ETFDH: variants seen among roughly 807,000 people sequenced by gnomAD.
ETFDH encodes the protein electron transfer flavoprotein-ubiquinone oxidoreductase, mitochondrial.
ETFDH carries 61 observed loss-of-function variants against 73.2 expected under a neutral mutation model. The ratio of observed to expected loss-of-function variants is 0.83; its 90% CI spans 0.68 to 1.03. ETFDH has a LOEUF of 1.03. ETFDH is among the 50% of genes least tolerant of loss of function. The pLI is 0.00. For synonymous variants in ETFDH, 243 were observed against 253.3 expected (o/e 0.96, Z 0.39); for missense variants, 685 against 745.0 (o/e 0.92, Z 0.94).
At position 158,708,619 on chromosome 4, in the gene ETFDH, TGAACA is replaced by T; in HGVS notation, c.*96_*100del. ...TTCAGAATGTCTTTCTGCATATTAC[TGAACA>T]GAATAGTCACAAAATGATTATCAAA... On this transcript the variant is annotated 3_prime_UTR_variant, in exon 13 of 13. Transcript: ENST00000511912. 1 of 1,030,170 alleles carries T rather than the reference TGAACA, an allele frequency of 9.7e-7. No individual in the cohort carries two copies. The highest frequency in any genetic ancestry group is 1.5e-6 in the Non-Finnish European group (1 of 659,270). 63.8% of individuals were successfully genotyped at this position (1,030,170 alleles called of 1,614,324 possible). A position where few individuals can be genotyped will look rare whatever the true frequency, so the allele number is the denominator to read the frequency against.
intron 9 of ETFDH, among the ~76,000 whole-genome samples, chr4:158,701,384 G>T (rs977088528): frequency 1.3e-5 from 2 of 152,158 alleles, no homozygotes; most frequent in African/African-American, 4.8e-5. Context: ...CCTCCCCATT[G>T]TCTGCTCTGT....
intron 12 of ETFDH, among the ~76,000 whole-genome samples, chr4:158,708,033 A>G (rs557874599): frequency 6.6e-6 from 1 of 152,340 alleles, no homozygotes; most frequent in East Asian, 1.9e-4. Flanking sequence ...TCAGGCGTCT[A>G]CTGGGGATCT....
chr4:158,688,036 T>C (rs1774051615), intron 5 of ETFDH, among the ~76,000 whole-genome samples: 1 of 149,580 alleles, frequency 6.7e-6, no homozygotes, highest in South Asian at 2.1e-4. Context: ...CGAGATTCCA[T>C]CTCAAAAAAT....
intron 12 of ETFDH, among the ~76,000 whole-genome samples, 196 bp from the exon 13 acceptor site, chr4:158,708,168 T>C (rs1774686242): frequency 6.6e-6 from 1 of 152,190 alleles, no homozygotes; most frequent in Non-Finnish European, 1.5e-5. Flanking sequence ...AATACCGCTG[T>C]ACCTCCTTTT....
Position 158,703,463 on chromosome 4 carries a change from GT to G in ETFDH, c.1159del (p.Cys387ValfsTer6). On this transcript the variant is annotated frameshift_variant, in exon 10 of 13. Coordinates refer to ENST00000511912, the MANE Select transcript of ETFDH (RefSeq NM_004453.4). LOFTEE classifies it high-confidence loss of function. ...ACCTTTCCTGGTGGTTTACTAATTG[GT>G]TGTAGTCCTGGTTTTATGAATGTTC... ...KLTFPGGLLI[G>X]CSPGFMNVPK... The G allele has an allele frequency of 6.2e-7, 1 of 1,612,166 alleles. No homozygotes were observed. Among genetic ancestry groups the G allele is most frequent in the Non-Finnish European group, 8.5e-7 (1 of 1,178,412 alleles).
intron 12 of ETFDH, among the ~76,000 whole-genome samples, chr4:158,707,947 C>T (rs962739129): frequency 3.3e-5 from 5 of 152,190 alleles, no homozygotes; most frequent in Non-Finnish European, 7.3e-5. Context: ...ATGGAAAAGG[C>T]ATCACATTTG....
At chr4:158,702,265 C>T (rs1774484468) in intron 9 of ETFDH, among the ~76,000 whole-genome samples, 1 of 151,622 alleles carries the variant, frequency 6.6e-6, no homozygotes, top group South Asian at 2.1e-4. Flanking sequence ...ATGATCAAAT[C>T]AGGGTAATTA....
intron 1 of ETFDH, among the ~76,000 whole-genome samples, chr4:158,673,878 G>A (rs1773646197): frequency 6.6e-6 from 1 of 152,200 alleles, no homozygotes; most frequent in African/African-American, 2.4e-5. Context: ...CTTTGATATG[G>A]TGATGCTATG....
intron 3 of ETFDH, 92 bp from the exon 4 acceptor site, chr4:158,684,500 G>T: frequency 4.3e-6 from 3 of 692,910 alleles, no homozygotes; most frequent in Admixed American, 2.5e-5. Flanking sequence ...TTCTTTTTTT[G>T]TCATCAGAGT....
At chr4:158,699,159 T>C in intron 9 of ETFDH, 29 bp downstream of exon 9, 1 of 1,585,226 alleles carries the variant, frequency 6.3e-7, no homozygotes, top group Non-Finnish European at 8.7e-7. Flanking sequence ...ATTTTCCTTG[T>C]TTCTGTATTA....
At chr4:158,680,424 A>G in intron 1 of ETFDH, 43 bp from the exon 2 acceptor site, 1 of 1,503,276 alleles carries the variant, frequency 6.7e-7, no homozygotes. Flanking sequence ...ACTGAGGAAA[A>G]CTAATTTTAA....
intron 5 of ETFDH, among the ~76,000 whole-genome samples, chr4:158,687,301 GAC>G (rs756375754): frequency 2.0e-5 from 3 of 152,182 alleles, no homozygotes; most frequent in Non-Finnish European, 2.9e-5. Context: ...CTTTGGGAGA[GAC>G]AGACGATTAA....
At chr4:158,674,233 C>CTT (rs535420652) in intron 1 of ETFDH, among the ~76,000 whole-genome samples, 1 of 150,030 alleles carries the variant, frequency 6.7e-6, no homozygotes, top group Non-Finnish European at 1.5e-5. Context: ...ATTTAATATA[C>CTT]TTTTTTTTTT....
chr4:158,673,333 G>T (rs1276069532), intron 1 of ETFDH, among the ~76,000 whole-genome samples: 1 of 151,994 alleles, frequency 6.6e-6, no homozygotes, highest in Admixed American at 6.6e-5. Context: ...TAACTCTAAG[G>T]GCTTTATCGT....
At chr4:158,701,448 G>C (rs1774459870) in intron 9 of ETFDH, among the ~76,000 whole-genome samples, 1 of 152,164 alleles carries the variant, frequency 6.6e-6, no homozygotes, top group African/African-American at 2.4e-5. Flanking sequence ...AGTTTGGTCT[G>C]AGAACCACAG....
intron 10 of ETFDH, 94 bp downstream of exon 10, chr4:158,703,685 T>C (rs999641280): frequency 1.3e-6 from 1 of 782,156 alleles, no homozygotes; most frequent in African/African-American, 1.7e-5. Context: ...TCTGTCACTT[T>C]ATAGAAAGTA....
intron 7 of ETFDH, among the ~76,000 whole-genome samples, chr4:158,697,142 T>A (rs1013771469): frequency 1.3e-5 from 2 of 152,158 alleles, no homozygotes; most frequent in African/African-American, 4.8e-5. Flanking sequence ...TCACCCAGGC[T>A]GGAGTGCAGT....
rs182590315 is a variant in ETFDH at position 158,673,387 on chromosome 4, G to A, written c.34+897G>A. The stretch of plus-strand genomic sequence containing the variant: ...ACCATCGTGACAGATGAAGTTGGAT[G>A]GTCTTTTTAAAGTTTTACTTAAATT... On this transcript the variant is annotated intron_variant, in intron 1 of 12. Transcript: ENST00000511912. 3.9e-3 allele frequency among the ~76,000 whole-genome samples: 594 copies of A among 152,274 alleles called. 2 individuals are homozygous for A. Among genetic ancestry groups the A allele is most frequent in the Non-Finnish European group, 6.4e-3 (435 of 68,016 alleles).
In ETFDH at chr4:158,703,363, A is replaced by G. The variant is rs956705401; in HGVS notation, c.1117-60A>G. ...GAATACTTTAAGACTGATTTGGAGT[A>G]TTCTGTTGTTCTTGTTTAATATGAA... On this transcript the variant is annotated intron_variant, in intron 9 of 12. Coordinates refer to ENST00000511912, the MANE Select transcript of ETFDH (RefSeq NM_004453.4). 4.4e-6 allele frequency: 5 copies of G among 1,144,800 alleles called. No individual in the cohort carries two copies. In the African/African-American group the frequency reaches 7.6e-5, roughly 17 times the overall value. The allele number at this position is 1,144,800 out of a possible 1,614,324, so 70.9% of individuals were successfully genotyped here.
Sources: gnomAD v4.1 joint callset for allele counts (sites outside exome capture counted in the v4.1 genomes callset) on GRCh38, gnomAD v4.1.1 for gene constraint, MANE v1.5 for transcripts, NCBI Gene and HGNC (gene_info 2026-07-23, HGNC 2026-07-21) for gene names.